The following CRCP variants were observed in gnomAD, a reference collection of about 807,000 sequenced individuals.
CRCP encodes the protein CGRP receptor component, also known as DNA-directed RNA polymerase III subunit RPC9.
A neutral mutation model predicts 18.5 loss-of-function variants in CRCP; 18 were observed. The observed-to-expected ratio is 0.97, with a 90% CI of 0.67 to 1.44. CRCP has a LOEUF of 1.44. Ranked by LOEUF, CRCP falls within the 40% of genes most tolerant of loss-of-function variation. CRCP has a pLI of 0.00. For missense variants in CRCP, 130 were observed against 176.4 expected (o/e 0.74, Z 1.49); for synonymous variants, 53 against 62.9 (o/e 0.84, Z 0.75).
chr7:66,135,023 CTTAT>C (rs1022265772), intron 4 of CRCP, among the ~76,000 whole-genome samples: 2 of 152,150 alleles, frequency 1.3e-5, no homozygotes, highest in African/African-American at 4.8e-5. Context: ...ATGATGCAAC[CTTAT>C]TTATTAACCA....
intron 1 of CRCP, among the ~76,000 whole-genome samples, chr7:66,123,449 C>T (rs545683409): frequency 6.6e-6 from 1 of 152,110 alleles, no homozygotes. Flanking sequence ...GTTCTAATAG[C>T]TCTAAAAAAC....
intron 5 of CRCP, among the ~76,000 whole-genome samples, chr7:66,151,673 C>CTCTCTCTG (rs1484742797): frequency 2.2e-5 from 3 of 138,522 alleles, no homozygotes; most frequent in Non-Finnish European, 4.6e-5. Flanking sequence ...CCACTTCTCT[C>CTCTCTCTG]TGTGTGTGTG....
intron 4 of CRCP, among the ~76,000 whole-genome samples, chr7:66,137,581 T>C (rs895013807): frequency 6.6e-6 from 1 of 152,198 alleles, no homozygotes; most frequent in Non-Finnish European, 1.5e-5. Flanking sequence ...CTAGTTTAGG[T>C]TTTCCATGAA....
rs1456807117 is a variant in CRCP, at chr7:66,152,929, T to A, written c.*572T>A. On this transcript the variant is annotated 3_prime_UTR_variant, in exon 6 of 6. Coordinates refer to ENST00000395326, the MANE Select transcript of CRCP (RefSeq NM_014478.5). Reference sequence around the variant, plus strand: ...TTTCTCTGCTGGCAGGGGCTTTGTTTACCAGCTCACTGTTTAGGCTAAATG... The same window carrying A: ...TTTCTCTGCTGGCAGGGGCTTTGTTAACCAGCTCACTGTTTAGGCTAAATG... 1 of 153,144 alleles carries A rather than the reference T, an allele frequency of 6.5e-6. No homozygotes were observed. Among genetic ancestry groups the A allele is most frequent in the Non-Finnish European group, 1.5e-5 (1 of 68,480 alleles). 9.5% of individuals were successfully genotyped at this position (153,144 alleles called of 1,614,324 possible). A position where few individuals can be genotyped will look rare whatever the true frequency, so the allele number is the denominator to read the frequency against.
intron 5 of CRCP, among the ~76,000 whole-genome samples, chr7:66,147,381 G>A (rs968129800): frequency 6.6e-6 from 1 of 151,536 alleles, no homozygotes; most frequent in Non-Finnish European, 1.5e-5. Flanking sequence ...TGCCAGACAC[G>A]GTCTCAGTCC....
Position 66,130,862 on chromosome 7 carries a change from A to G in CRCP, c.144+20A>G, listed in dbSNP as rs750173126. On this transcript the variant is annotated intron_variant, in intron 3 of 5. Coordinates refer to ENST00000395326, the MANE Select transcript of CRCP (RefSeq NM_014478.5). ...TATGAAGTAAGGCTGGGCTTCTGCC[A>G]GGCCTACCTAAAGTACCATTGAGGG... 20 of 1,273,342 alleles carry G rather than the reference A, an allele frequency of 1.6e-5. No homozygotes were observed. The South Asian group carries it at 2.1e-4, about 13-fold the overall frequency. 78.9% of individuals were successfully genotyped at this position (1,273,342 alleles called of 1,614,324 possible). A position where few individuals can be genotyped will look rare whatever the true frequency, so the allele number is the denominator to read the frequency against.
At chr7:66,132,373 C>T (rs140867391) in intron 3 of CRCP, among the ~76,000 whole-genome samples, 15 of 152,190 alleles carry the variant, frequency 9.9e-5, no homozygotes, top group African/African-American at 2.6e-4. Flanking sequence ...TCCAAAGTCT[C>T]GTCAAGTATT....
rs1267891264 is a variant in CRCP, at chr7:66,152,600, C to T, written c.*243C>T. The T allele has an allele frequency of 4.1e-6, 2 of 487,898 alleles. No individual in the cohort carries two copies. Among genetic ancestry groups the T allele is most frequent in the Non-Finnish European group, 7.4e-6 (2 of 269,486 alleles). 30.2% of individuals were successfully genotyped at this position (487,898 alleles called of 1,614,324 possible). ...TGAAGGTGGGGACAGTGACCGCGGA[C>T]CCCTCTGTGCTTGAAAGATTTCCTC... On this transcript the variant is annotated 3_prime_UTR_variant, in exon 6 of 6. Transcript: ENST00000395326.
chr7:66,149,601 C>T (rs558517422), intron 5 of CRCP, among the ~76,000 whole-genome samples: 22 of 152,024 alleles, frequency 1.4e-4, no homozygotes, highest in African/African-American at 3.9e-4. Context: ...CACTAACGGC[C>T]GGAGCTTTTA....
chr7:66,147,416 T>C (rs926605407), intron 5 of CRCP, among the ~76,000 whole-genome samples: 4 of 151,888 alleles, frequency 2.6e-5, no homozygotes, highest in African/African-American at 9.7e-5. Context: ...TGTGATTGTC[T>C]GTCACTTCGA....
At chr7:66,139,719 G>C (rs201761928) in intron 4 of CRCP, among the ~76,000 whole-genome samples, 3 of 152,172 alleles carry the variant, frequency 2.0e-5, no homozygotes, top group African/African-American at 7.2e-5. Context: ...CTGGACTGGC[G>C]GTGGAACTTG....
intron 4 of CRCP, among the ~76,000 whole-genome samples, chr7:66,134,708 G>A (rs1474364931): frequency 1.3e-5 from 2 of 152,128 alleles, no homozygotes; most frequent in Non-Finnish European, 2.9e-5. Context: ...GCAAATTTAG[G>A]TCATAGGTAG....
intron 4 of CRCP, among the ~76,000 whole-genome samples, chr7:66,136,292 G>A (rs1312714758): frequency 6.6e-6 from 1 of 151,798 alleles, no homozygotes; most frequent in Non-Finnish European, 1.5e-5. Flanking sequence ...GTGCAATGGT[G>A]CAATCTCGGC....
chr7:66,124,382 GA>G (rs1787554795), intron 1 of CRCP, among the ~76,000 whole-genome samples: 1 of 152,018 alleles, frequency 6.6e-6, no homozygotes, highest in Non-Finnish European at 1.5e-5. Flanking sequence ...AAAATAAAAA[GA>G]ATGCCACAAA....
chr7:66,115,945 C>G (rs1216281282), intron 1 of CRCP, among the ~76,000 whole-genome samples: 1 of 152,126 alleles, frequency 6.6e-6, no homozygotes. Context: ...TACAGGCCCA[C>G]GCCATCACTC....
At chr7:66,148,865 G>A (rs1388983446) in intron 5 of CRCP, among the ~76,000 whole-genome samples, 2 of 152,196 alleles carry the variant, frequency 1.3e-5, no homozygotes, top group African/African-American at 2.4e-5. Context: ...CGCTGTAGGC[G>A]TTACTTTCAT....
chr7:66,117,517 TG>T (rs1694089263), intron 1 of CRCP, among the ~76,000 whole-genome samples: 1 of 152,186 alleles, frequency 6.6e-6, no homozygotes, highest in Non-Finnish European at 1.5e-5. Context: ...AGTCCATCAG[TG>T]GTCCTGTTGT....
chr7:66,122,015 G>A (rs1014940243), intron 1 of CRCP, among the ~76,000 whole-genome samples: 1 of 152,096 alleles, frequency 6.6e-6, no homozygotes, highest in African/African-American at 2.4e-5. Flanking sequence ...GCATAGGTTG[G>A]GCATAGGAGA....
chr7:66,135,158 T>C (rs1485762641), intron 4 of CRCP, among the ~76,000 whole-genome samples: 1 of 152,128 alleles, frequency 6.6e-6, no homozygotes, highest in Non-Finnish European at 1.5e-5. Flanking sequence ...GCCACTTGGT[T>C]CTTACAGACG....
Sources: allele counts gnomAD v4.1 joint callset (sites outside exome capture counted in the v4.1 genomes callset), GRCh38; gene constraint gnomAD v4.1.1; transcripts MANE v1.5; gene names NCBI Gene and HGNC (gene_info 2026-07-23, HGNC 2026-07-21).